EPHA5: variants seen among roughly 807,000 people sequenced by gnomAD.
EPHA5 encodes EPH receptor A5.
In EPHA5, 60 loss-of-function variants were observed where a neutral mutation model predicts 105.0. The observed-to-expected ratio is 0.57, with a 90% CI of 0.46 to 0.71. The LOEUF (loss-of-function observed/expected upper bound fraction) is 0.71, where lower values mean the gene tolerates loss of function less well. Among genes scored for constraint, EPHA5 ranks in the 30% least tolerant of loss-of-function variants. The pLI is 0.00. For synonymous variants in EPHA5, 513 were observed against 449.1 expected, an observed-to-expected ratio of 1.14 and a Z score of -1.80; for missense variants, 1,218 against 1,274.7, an observed-to-expected ratio of 0.96 and a Z score of 0.68.
chr4:65,350,220 A>G (rs545017933), intron 13 of EPHA5, among the ~76,000 whole-genome samples: 11 of 152,248 alleles, frequency 7.2e-5, no homozygotes, highest in African/African-American at 2.6e-4. Flanking sequence ...AATGAAAATA[A>G]TGACACTGAT....
chr4:65,566,965 G>A (rs1235238691), intron 3 of EPHA5, among the ~76,000 whole-genome samples: 1 of 151,266 alleles, frequency 6.6e-6, no homozygotes, highest in African/African-American at 2.4e-5. Context: ...CCTCTTATAG[G>A]TCTTATATAC....
chr4:65,358,314 T>G (rs923325934), intron 11 of EPHA5, among the ~76,000 whole-genome samples: 1 of 151,574 alleles, frequency 6.6e-6, no homozygotes, highest in Admixed American at 6.6e-5. Flanking sequence ...AGAAGCCTCA[T>G]AATTCACTGG....
At chr4:65,614,569 A>G (rs1337938822) in intron 2 of EPHA5, among the ~76,000 whole-genome samples, 1 of 151,802 alleles carries the variant, frequency 6.6e-6, no homozygotes, top group Non-Finnish European at 1.5e-5. Context: ...GATGGATTAG[A>G]GGGCTCCTGG....
chr4:65,519,540 G>A (rs1734463446), intron 3 of EPHA5, among the ~76,000 whole-genome samples: 1 of 151,346 alleles, frequency 6.6e-6, no homozygotes, highest in South Asian at 2.1e-4. Flanking sequence ...CAATTAGGCA[G>A]GAGAAGGAAA....
At chr4:65,409,995 T>C (rs1049909513) in intron 7 of EPHA5, among the ~76,000 whole-genome samples, 27 of 152,156 alleles carry the variant, frequency 1.8e-4, no homozygotes, top group African/African-American at 4.8e-4. Context: ...TTGGAAAACA[T>C]GTTGGCAGTT....
At chr4:65,380,250 C>G (rs1006408269) in intron 8 of EPHA5, among the ~76,000 whole-genome samples, 1 of 151,738 alleles carries the variant, frequency 6.6e-6, no homozygotes, top group African/African-American at 2.4e-5. Context: ...TAGCTTAGCT[C>G]CTTTTGGCTT....
chr4:65,499,585 T>C (rs1732279165), intron 3 of EPHA5, among the ~76,000 whole-genome samples: 1 of 151,582 alleles, frequency 6.6e-6, no homozygotes, highest in South Asian at 2.1e-4. Flanking sequence ...TACTCACTTC[T>C]CAGCAATATT....
At chr4:65,635,535 G>GGTTCCACCAGACAACA (rs1275934419) in intron 2 of EPHA5, among the ~76,000 whole-genome samples, 1 of 152,066 alleles carries the variant, frequency 6.6e-6, no homozygotes, top group East Asian at 1.9e-4. Context: ...GTGGGGAGAA[G>GGTTCCACCAGACAACA]ACTGGTTCCA....
Position 65,359,145 on chromosome 4 carries a change from G to A in EPHA5, c.2173+5872C>T, listed in dbSNP as rs142089251. ...TTTCTATAAACCTATATTTTTTTCA[G>A]ATGATTGAGATTTAGATTCTTTCAG... On this transcript the variant is annotated intron_variant, in intron 11 of 16. Coordinates refer to ENST00000613740, the MANE Select transcript of EPHA5 (RefSeq NM_001281766.3). 8.6e-5 allele frequency among the ~76,000 whole-genome samples: 13 copies of A among 151,540 alleles called. No individual in the cohort carries two copies. In the Admixed American group the frequency reaches 8.6e-4, roughly 10 times the overall value.
chr4:65,536,652 A>T (rs898955940), intron 3 of EPHA5, among the ~76,000 whole-genome samples: 1 of 143,370 alleles, frequency 7.0e-6, no homozygotes, highest in African/African-American at 2.6e-5. Context: ...GAATCAAATT[A>T]CAGGCAATCT....
At chr4:65,544,397 C>T (rs377458777) in intron 3 of EPHA5, among the ~76,000 whole-genome samples, 4 of 151,372 alleles carry the variant, frequency 2.6e-5, no homozygotes, top group Admixed American at 1.3e-4. Context: ...AACAAACAAC[C>T]TAATAAAAAG....
rs1271574579 is a variant in EPHA5 at position 65,321,888 on chromosome 4, C to G, written c.*2226G>C. On this transcript the variant is annotated 3_prime_UTR_variant, in exon 17 of 17. Coordinates refer to ENST00000613740, the MANE Select transcript of EPHA5 (RefSeq NM_001281766.3). ...TAATTTTCCTTTTGAATCAATAAGG[C>G]TTTCATTCTGAAGTTTCTCAGTTGT... 4.4e-5 allele frequency: 10 copies of G among 225,142 alleles called. No individual in the cohort carries two copies. The highest frequency in any genetic ancestry group is 2.9e-4 in the Admixed American group (5 of 17,402). The allele number at this position is 225,142 out of a possible 1,614,324, so 13.9% of individuals were successfully genotyped here. A position where few individuals can be genotyped will look rare whatever the true frequency, so the allele number is the denominator to read the frequency against.
At chr4:65,621,958 A>T (rs1263338595) in intron 2 of EPHA5, among the ~76,000 whole-genome samples, 1 of 152,182 alleles carries the variant, frequency 6.6e-6, no homozygotes, top group Admixed American at 6.6e-5. Context: ...CTCTGAGTTC[A>T]AAGGAAAGGC....
chr4:65,596,885 T>C (rs1312663685), intron 3 of EPHA5, among the ~76,000 whole-genome samples: 1 of 152,160 alleles, frequency 6.6e-6, no homozygotes, highest in Non-Finnish European at 1.5e-5. Flanking sequence ...ATAACTAGGC[T>C]CTCTAATCCA....
At chr4:65,578,645 T>G (rs1741305152) in intron 3 of EPHA5, among the ~76,000 whole-genome samples, 1 of 152,204 alleles carries the variant, frequency 6.6e-6, no homozygotes, top group African/African-American at 2.4e-5. Flanking sequence ...ATTTTTGCAA[T>G]TAAAAGTGTG....
chr4:65,447,893 G>GC (rs1201359601), intron 5 of EPHA5, among the ~76,000 whole-genome samples: 1 of 152,004 alleles, frequency 6.6e-6, no homozygotes, highest in Non-Finnish European at 1.5e-5. Flanking sequence ...AGAAAACCCA[G>GC]CATTTATCTA....
intron 2 of EPHA5, among the ~76,000 whole-genome samples, chr4:65,635,522 T>A (rs879825646): frequency 1.3e-5 from 2 of 152,032 alleles, no homozygotes; most frequent in Non-Finnish European, 2.9e-5. Context: ...CACAGACAAC[T>A]CAGTGGGGAG....
Position 65,323,375 on chromosome 4 carries a change from G to T in EPHA5, c.*739C>A. The T allele has an allele frequency of 4.3e-6, 1 of 230,140 alleles. No homozygotes were observed. The allele number at this position is 230,140 out of a possible 1,614,324, so 14.3% of individuals were successfully genotyped here. A position where few individuals can be genotyped will look rare whatever the true frequency, so the allele number is the denominator to read the frequency against. On this transcript the variant is annotated 3_prime_UTR_variant, in exon 17 of 17. Coordinates refer to ENST00000613740, the MANE Select transcript of EPHA5 (RefSeq NM_001281766.3). Reference sequence around the variant, plus strand: ...GCAAGCAGAATGGTAACACACACATGTGCAAGCAAACACACACACAATTCC... The same window carrying T: ...GCAAGCAGAATGGTAACACACACATTTGCAAGCAAACACACACACAATTCC...
At chr4:65,596,169 A>G (rs1743163408) in intron 3 of EPHA5, among the ~76,000 whole-genome samples, 1 of 152,166 alleles carries the variant, frequency 6.6e-6, no homozygotes, top group Admixed American at 6.5e-5. Context: ...CCATAAACAT[A>G]TCTATAAACA....
Sources: gnomAD v4.1 joint callset for allele counts (sites outside exome capture counted in the v4.1 genomes callset) on GRCh38, gnomAD v4.1.1 for gene constraint, MANE v1.5 for transcripts, NCBI Gene and HGNC (gene_info 2026-07-23, HGNC 2026-07-21) for gene names.